Variants in TFAP2E observed in about 807,000 individuals in gnomAD.
TFAP2E encodes the protein transcription factor AP-2 epsilon.
In TFAP2E, 30 loss-of-function variants were observed where a neutral mutation model predicts 37.9. The ratio of observed to expected loss-of-function variants is 0.79; its 90% confidence interval spans 0.59 to 1.07. The LOEUF (loss-of-function observed/expected upper bound fraction) is 1.07. TFAP2E is among the 50% of genes least tolerant of loss of function. The pLI, the probability that TFAP2E is intolerant of heterozygous loss-of-function variation, is 0.00. For synonymous variants in TFAP2E, 318 were observed against 295.8 expected, an observed-to-expected ratio of 1.08 and a Z score of -0.77; for missense variants, 567 against 637.9, an observed-to-expected ratio of 0.89 and a Z score of 1.20.
At position 35,588,445 on chromosome 1, in the gene TFAP2E, A is replaced by G; in HGVS notation, c.678A>G (p.Ser226=). ...TCTGCTCCGTGCCCGGCCGGCTTTCACTGCTCAGCTCAACGTCCAAGTACA... is the reference window on the plus strand; with the variant it reads ...TCTGCTCCGTGCCCGGCCGGCTTTCGCTGCTCAGCTCAACGTCCAAGTACA... ...EVFCSVPGRL[S]LLSSTSKYKV... Residue 226 remains serine (S), a synonymous_variant, in exon 4 of 7, where the codon TCA becomes TCG. Coordinates refer to ENST00000373235, the MANE Select transcript of TFAP2E (RefSeq NM_178548.4). The surrounding 1 kb of genome is among the most constrained non-coding windows in gnomAD (Gnocchi z 5.1). 6.2e-7 allele frequency: 1 copy of G among 1,611,332 alleles called. No homozygotes were observed. Among genetic ancestry groups the G allele is most frequent in the Non-Finnish European group, 8.5e-7 (1 of 1,179,938 alleles).
In TFAP2E at chr1:35,590,711, C is replaced by G; in HGVS notation, c.982C>G (p.Leu328Val). Reference sequence around the variant, plus strand: ...CCCAGCCAAGGCAGCTGCCGAGTACCTGTGCCGACAGCACGCTGACCCGGG... The same window carrying G: ...CCCAGCCAAGGCAGCTGCCGAGTACGTGTGCCGACAGCACGCTGACCCGGG... ...EFPAKAAAEY[L>V]CRQHADPGEL... is the part of the protein sequence containing the mutation. Residue 328 changes from leucine to valine, a missense_variant, in exon 6 of 7, where the codon CTG (leucine) becomes GTG (valine). Leu to Val is a conservative substitution (Grantham distance 32). Coordinates refer to ENST00000373235, the MANE Select transcript of TFAP2E (RefSeq NM_178548.4). The surrounding 1 kb of genome is among the most constrained non-coding windows in gnomAD (Gnocchi z 6.2). 1 of 1,556,542 alleles carries G rather than the reference C, an allele frequency of 6.4e-7. No homozygotes were observed. The highest frequency in any genetic ancestry group is 8.8e-7 in the Non-Finnish European group (1 of 1,141,992).
At chr1:35,574,612 T>G (rs1649115228) in intron 2 of TFAP2E, 1 of 916,160 alleles carries the variant, frequency 1.1e-6, no homozygotes, top group Admixed American at 3.0e-5. Context: ...CCGCCAGCAG[T>G]GCGTGGGTGG....
Position 35,593,121 on chromosome 1 carries a change from G to C in TFAP2E, c.1047-1273G>C, listed in dbSNP as rs1025666874. On this transcript the variant is annotated intron_variant, in intron 6 of 6. Coordinates refer to ENST00000373235, the MANE Select transcript of TFAP2E (RefSeq NM_178548.4). ...GCACTTTGGGAAGCTGAGGTGATCA[G>C]ATCGCTTGAGCCCAGGAGTTCAAGG... is the stretch of plus-strand genomic sequence containing the variant. Among the ~76,000 whole-genome samples the C allele has an allele frequency of 2.0e-5, 3 of 152,110 alleles. No individual in the cohort carries two copies. The South Asian group carries it at 6.2e-4, about 31-fold the overall frequency.
intron 3 of TFAP2E, among the ~76,000 whole-genome samples, chr1:35,581,649 C>G (rs552173770): frequency 6.6e-6 from 1 of 151,230 alleles, no homozygotes; most frequent in Non-Finnish European, 1.5e-5. Flanking sequence ...CTCGGCTCAC[C>G]GTAACCTCTG....
At chr1:35,575,116 G>A in intron 3 of TFAP2E, 116 bp downstream of exon 3, 2 of 1,349,510 alleles carry the variant, frequency 1.5e-6, no homozygotes, top group Non-Finnish European at 2.1e-6. Context: ...GTGTCCACCA[G>A]GCACTCTTCC....
At chr1:35,594,347 G>A (rs1649767303) in intron 6 of TFAP2E, 47 bp from the exon 7 acceptor site, 4 of 1,592,504 alleles carry the variant, frequency 2.5e-6, no homozygotes, top group Non-Finnish European at 3.4e-6. Flanking sequence ...TCCTTCTCTG[G>A]GCTCAGACTT....
rs552174061 is a variant in TFAP2E at position 35,588,827 on chromosome 1, C to T, written c.785+275C>T. On this transcript the variant is annotated intron_variant, in intron 4 of 6. Transcript: ENST00000373235. This position sits in a 1 kb window ranked among gnomAD's most constrained non-coding sequence, Gnocchi z 5.1. ...GAGAACTCATCCACACTGGTCAGGA[C>T]GAGACTGGGTCTGGGGAAGAGAGAG... 5.3e-5 allele frequency among the ~76,000 whole-genome samples: 8 copies of T among 152,160 alleles called. No individual in the cohort carries two copies. In the East Asian group the frequency reaches 1.4e-3, roughly 26 times the overall value.
At chr1:35,579,079 C>CAAAAAA (rs578084271) in intron 3 of TFAP2E, among the ~76,000 whole-genome samples, 1 of 16,860 alleles carries the variant, frequency 5.9e-5, no homozygotes. Flanking sequence ...GAGACTATCT[C>CAAAAAA]AAAAAAAAAA....
At chr1:35,574,794 T>G in intron 2 of TFAP2E, 155 bp from the exon 3 acceptor site, 1 of 960,782 alleles carries the variant, frequency 1.0e-6, no homozygotes, top group Non-Finnish European at 1.6e-6. Context: ...GCTCAGTGCC[T>G]GGACATAGCG....
Position 35,588,083 on chromosome 1 carries a change from T to G in TFAP2E, c.563-247T>G, listed in dbSNP as rs1212011638. Among the ~76,000 whole-genome samples the G allele has an allele frequency of 1.3e-5, 2 of 152,116 alleles. No homozygotes were observed. The highest frequency in any genetic ancestry group is 4.8e-5 in the African/African-American group (2 of 41,406). On this transcript the variant is annotated intron_variant, in intron 3 of 6. Coordinates refer to ENST00000373235, the MANE Select transcript of TFAP2E (RefSeq NM_178548.4). The surrounding 1 kb of genome is among the most constrained non-coding windows in gnomAD (Gnocchi z 5.1). Reference sequence around the variant, plus strand: ...GATGGCATCCGCTAAAACACCAAGATTCCGCTGGAGCTGTTTGAGTTTAAG... The same window carrying G: ...GATGGCATCCGCTAAAACACCAAGAGTCCGCTGGAGCTGTTTGAGTTTAAG...
In TFAP2E at chr1:35,577,495, G is replaced by A. The variant is rs1326858630; in HGVS notation, c.562+2495G>A. On this transcript the variant is annotated intron_variant, in intron 3 of 6. Coordinates refer to ENST00000373235, the MANE Select transcript of TFAP2E (RefSeq NM_178548.4). The surrounding 1 kb of genome is among the most constrained non-coding windows in gnomAD (Gnocchi z 6.3). ...CTGGAGCCTGCCCCGCCAGGGCCCTGGAATCAGAGAAAGTCGCTCTTTGGC... is the reference window on the plus strand; with the variant it reads ...CTGGAGCCTGCCCCGCCAGGGCCCTAGAATCAGAGAAAGTCGCTCTTTGGC... The A allele has an allele frequency of 2.2e-6, 1 of 455,318 alleles. No individual in the cohort carries two copies. The highest frequency in any genetic ancestry group is 2.0e-5 in the African/African-American group (1 of 50,052). 28.2% of individuals were successfully genotyped at this position (455,318 alleles called of 1,614,324 possible). A position where few individuals can be genotyped will look rare whatever the true frequency, so the allele number is the denominator to read the frequency against.
intron 3 of TFAP2E, among the ~76,000 whole-genome samples, chr1:35,582,030 C>T (rs1649365281): frequency 6.6e-6 from 1 of 152,144 alleles, no homozygotes; most frequent in Non-Finnish European, 1.5e-5. Flanking sequence ...CACGCACCAC[C>T]ACACCCAGCT....
Position 35,594,661 on chromosome 1 carries a change from C to T in TFAP2E, c.1314C>T (p.Ala438=), listed in dbSNP as rs1250770378. Residue 438 remains alanine (A), a synonymous_variant, in exon 7 of 7, where the codon GCC becomes GCT. Transcript: ENST00000373235. ...AAACCAAGGCTTCGGAGAAGGATGC[C>T]AAGCATCGGAAATAACTGCTTCTCC... The part of the protein sequence containing the change: ...HGETKASEKD[A]KHRK 3 of 1,614,034 alleles carry T rather than the reference C, an allele frequency of 1.9e-6. No individual in the cohort carries two copies. Among genetic ancestry groups the T allele is most frequent in the Non-Finnish European group, 2.5e-6 (3 of 1,180,048 alleles).
Position 35,575,018 on chromosome 1 carries a change from A to G in TFAP2E, c.562+18A>G. 2 of 1,613,800 alleles carry G rather than the reference A, an allele frequency of 1.2e-6. No homozygotes were observed. Among genetic ancestry groups the G allele is most frequent in the East Asian group, 2.2e-5 (1 of 44,886 alleles). On this transcript the variant is annotated intron_variant, in intron 3 of 6. Transcript: ENST00000373235. ...CAAGAAAGGTAAGGAATGGTCTGTC[A>G]GGGCAGAGCCCGGCGAGATGGTGCA...
chr1:35,573,937 A>G lies in TFAP2E; in HGVS notation c.38A>G (p.Asp13Gly). The change falls in exon 2 of 7, where the codon GAC becomes GGC. Residue 13 changes from aspartate to glycine, a missense_variant. By Grantham distance (94) the Asp-to-Gly change is moderately conservative. Around this residue, in one of 3 missense-constraint regions of TFAP2E, gnomAD observed 312 missense variants for 317.4 expected, o/e 0.98. Transcript: ENST00000373235. This position sits in a 1 kb window ranked among gnomAD's most constrained non-coding sequence, Gnocchi z 5.9. ...CCTCTCCTTCCCCAGGAGCGCCCCG[A>G]CGGGCTGGGAGCAGCTGCCGGCGGG... The part of the protein sequence containing the change: ...VHTYSAMERP[D>G]GLGAAAGGAR... 1 of 1,450,360 alleles carries G rather than the reference A, an allele frequency of 6.9e-7. No individual in the cohort carries two copies. Among genetic ancestry groups the G allele is most frequent in the Admixed American group, 2.8e-5 (1 of 35,736 alleles). The allele number at this position is 1,450,360 out of a possible 1,614,324, so 89.8% of individuals were successfully genotyped here.
chr1:35,583,906 T>A (rs1649416124), intron 3 of TFAP2E, among the ~76,000 whole-genome samples: 2 of 152,272 alleles, frequency 1.3e-5, no homozygotes, highest in South Asian at 4.1e-4. Flanking sequence ...GCAAGGTCAG[T>A]CACTCATATA....
At position 35,594,599 on chromosome 1, in the gene TFAP2E, A is replaced by G. The variant is rs1449750498; in HGVS notation, c.1252A>G (p.Lys418Glu). 3 of 1,614,248 alleles carry G rather than the reference A, an allele frequency of 1.9e-6. No homozygotes were observed. The highest frequency in any genetic ancestry group is 2.5e-6 in the Non-Finnish European group (3 of 1,180,038). Reference protein sequence around the residue: ...YLLESLKGLDKMFLSSVGSGH... With the variant: ...YLLESLKGLDEMFLSSVGSGH... ...GCTGGAGTCACTCAAGGGGCTGGAC[A>G]AGATGTTTCTAAGCAGTGTGGGCAG... is the stretch of plus-strand genomic sequence containing the variant. Residue 418 changes from lysine to glutamate, a missense_variant, in exon 7 of 7, where the codon AAG (lysine) becomes GAG (glutamate). By Grantham distance (56) the Lys-to-Glu change is moderately conservative. Transcript: ENST00000373235.
At position 35,577,198 on chromosome 1, in the gene TFAP2E, C is replaced by G. The variant is rs1434651269; in HGVS notation, c.562+2198C>G. The stretch of plus-strand genomic sequence containing the variant: ...GCCGGGCACAGTTGGATCCGGAGGT[C>G]GTGACCCAGGGGAAAGCGTGGGCGG... On this transcript the variant is annotated intron_variant, in intron 3 of 6. Transcript: ENST00000373235. The surrounding 1 kb of genome is among the most constrained non-coding windows in gnomAD (Gnocchi z 6.3). 2.8e-6 allele frequency: 1 copy of G among 359,380 alleles called. No homozygotes were observed. The highest frequency in any genetic ancestry group is 5.5e-6 in the Non-Finnish European group (1 of 180,446). 22.3% of individuals were successfully genotyped at this position (359,380 alleles called of 1,614,324 possible).
chr1:35,574,451 G>C (rs1649111321), intron 2 of TFAP2E, 42 bp downstream of exon 2: 1 of 1,366,916 alleles, frequency 7.3e-7, no homozygotes, highest in South Asian at 1.7e-5. Context: ...ACTGGCCGCG[G>C]TGGTTTACTA....
Sources: allele counts gnomAD v4.1 joint callset (sites outside exome capture counted in the v4.1 genomes callset), GRCh38; gene constraint gnomAD v4.1.1; regional missense constraint gnomAD v4.1.1; non-coding constraint Gnocchi (gnomAD v3.1); transcripts MANE v1.5; gene names NCBI Gene and HGNC (gene_info 2026-07-23, HGNC 2026-07-21).